TNRC18: variants seen among roughly 807,000 people sequenced by gnomAD.
The protein encoded by TNRC18 is trinucleotide repeat containing 18.
Under a neutral mutation model 226.7 loss-of-function variants are expected in TNRC18, and 69 were observed. The ratio of observed to expected loss-of-function variants is 0.30; its 90% CI spans 0.25 to 0.37. TNRC18 has a LOEUF of 0.37. Ranked by LOEUF, TNRC18 falls within the 10% of genes least tolerant of loss-of-function variation. The pLI is 1.00. For missense variants in TNRC18, 4,754 were observed against 4,256.6 expected (o/e 1.12, Z -3.25); for synonymous variants, 2,449 against 1,927.6 (o/e 1.27, Z -7.09).
At chr7:5,378,579 CCG>C (rs1432802569) in intron 5 of TNRC18, among the ~76,000 whole-genome samples, 1 of 151,828 alleles carries the variant, frequency 6.6e-6, no homozygotes, top group Non-Finnish European at 1.5e-5. Flanking sequence ...CCACCACGCC[CCG>C]CTAGTTTTTT....
At chr7:5,420,394 G>A (rs1257419668) in intron 2 of TNRC18, 2 of 456,022 alleles carry the variant, frequency 4.4e-6, no homozygotes, top group Non-Finnish European at 4.4e-6. Flanking sequence ...ACCCTCTTTC[G>A]CGCTGGAAAA....
intron 14 of TNRC18, 51 bp from the exon 15 acceptor site, chr7:5,359,620 A>G (rs1429798435): frequency 1.2e-6 from 2 of 1,607,558 alleles, no homozygotes; most frequent in Non-Finnish European, 1.7e-6. Flanking sequence ...CAAGGCTCGC[A>G]GGCTGAGGTC....
rs901230393 is a variant in TNRC18 at position 5,307,507 on chromosome 7, T to C, written c.*599A>G. ...GCCGGGCCCTCTCCACCTGGTGCCT[T>C]TGACAGACACTCCGGGCTGCAACCC... On this transcript the variant is annotated 3_prime_UTR_variant, in exon 30 of 30. Transcript: ENST00000430969. 2 of 447,638 alleles carry C rather than the reference T, an allele frequency of 4.5e-6. No individual in the cohort carries two copies. The highest frequency in any genetic ancestry group is 4.0e-5 in the African/African-American group (2 of 49,710). 27.7% of individuals were successfully genotyped at this position (447,638 alleles called of 1,614,324 possible). A position where few individuals can be genotyped will look rare whatever the true frequency, so the allele number is the denominator to read the frequency against.
intron 18 of TNRC18, among the ~76,000 whole-genome samples, chr7:5,339,686 C>T (rs967024565): frequency 1.3e-5 from 2 of 152,030 alleles, no homozygotes; most frequent in African/African-American, 2.4e-5. Context: ...TCTCCTGTCT[C>T]AGCCTCCAGA....
At chr7:5,345,918 G>C (rs941823500) in intron 17 of TNRC18, 108 bp from the exon 18 acceptor site, 15 of 1,420,456 alleles carry the variant, frequency 1.1e-5, no homozygotes, top group African/African-American at 1.4e-5. Context: ...TAGTCCCTCA[G>C]TCCTGAGCAG....
At chr7:5,386,038 G>A (rs12674355) in intron 5 of TNRC18, among the ~76,000 whole-genome samples, 61,918 of 146,332 alleles carry the variant, frequency 0.42, 16,701 homozygotes, top group African/African-American at 0.77. Flanking sequence ...TGTAATCCCA[G>A]CACTTTGGGA....
intron 2 of TNRC18, among the ~76,000 whole-genome samples, chr7:5,395,302 G>GC (rs1487327867): frequency 6.6e-6 from 1 of 152,180 alleles, no homozygotes; most frequent in Non-Finnish European, 1.5e-5. Flanking sequence ...CGCTAAGGGA[G>GC]CCCCGTGGAG....
chr7:5,343,999 C>A (rs2128137865), intron 18 of TNRC18, among the ~76,000 whole-genome samples: 1 of 152,152 alleles, frequency 6.6e-6, no homozygotes, highest in Non-Finnish European at 1.5e-5. Context: ...GCCAGACTGG[C>A]CAAGAAACAG....
At chr7:5,334,714 C>G (rs1015237792) in intron 18 of TNRC18, among the ~76,000 whole-genome samples, 8 of 152,078 alleles carry the variant, frequency 5.3e-5, no homozygotes, top group Non-Finnish European at 8.8e-5. Flanking sequence ...TGAGGTACCA[C>G]CCCGTAACAG....
chr7:5,349,742 G>A (rs997765736), intron 17 of TNRC18, among the ~76,000 whole-genome samples: 1 of 152,234 alleles, frequency 6.6e-6, no homozygotes, highest in Non-Finnish European at 1.5e-5. Flanking sequence ...GTCATGGGGA[G>A]GGGTCAAGGG....
Position 5,374,351 on chromosome 7 carries a change from A to G in TNRC18, c.2933T>C (p.Leu978Pro), listed in dbSNP as rs1247683551. The change falls in exon 10 of 30, where the codon CTG becomes CCG. Residue 978 changes from leucine to proline, a missense_variant. Coordinates refer to ENST00000430969, the MANE Select transcript of TNRC18 (RefSeq NM_001080495.3). ...PGLLPRKPPGLAAGPAGTYGK... is the reference protein window; with the variant it reads ...PGLLPRKPPGPAAGPAGTYGK... The stretch of plus-strand genomic sequence containing the variant: ...GTAGGTGCCCGCGGGGCCGGCGGCC[A>G]GGCCAGGGGGCTTCCGCGGCAGCAG... 1 of 1,421,082 alleles carries G rather than the reference A, an allele frequency of 7.0e-7. No individual in the cohort carries two copies. 88.0% of individuals were successfully genotyped at this position (1,421,082 alleles called of 1,614,324 possible). A position where few individuals can be genotyped will look rare whatever the true frequency, so the allele number is the denominator to read the frequency against.
chr7:5,377,272 G>T lies in TNRC18; in HGVS notation c.2461+99C>A. On this transcript the variant is annotated intron_variant, in intron 7 of 29. Coordinates refer to ENST00000430969, the MANE Select transcript of TNRC18 (RefSeq NM_001080495.3). This position sits in a 1 kb window ranked among gnomAD's most constrained non-coding sequence, Gnocchi z 5.8. ...CGGGAGGCAGGCCCAGGCCCCCCAG[G>T]AAACGGCAGGCAGGAGCCAGCCCTG... 1 of 1,301,798 alleles carries T rather than the reference G, an allele frequency of 7.7e-7. No individual in the cohort carries two copies. Among genetic ancestry groups the T allele is most frequent in the Non-Finnish European group, 1.0e-6 (1 of 965,538 alleles). The allele number at this position is 1,301,798 out of a possible 1,614,324, so 80.6% of individuals were successfully genotyped here.
chr7:5,383,957 AT>A (rs765430615), intron 5 of TNRC18, among the ~76,000 whole-genome samples: 186 of 78,782 alleles, frequency 2.4e-3, no homozygotes, highest in Middle Eastern at 0.017. Flanking sequence ...TACCCGGGTG[AT>A]TTTTTTTTTT....
At chr7:5,369,695 T>C (rs1339762762) in intron 11 of TNRC18, among the ~76,000 whole-genome samples, 1 of 152,140 alleles carries the variant, frequency 6.6e-6, no homozygotes, top group African/African-American at 2.4e-5. Context: ...TACCTGAAAT[T>C]ACCTAATTAC....
chr7:5,339,769 C>T (rs918246878), intron 18 of TNRC18, among the ~76,000 whole-genome samples: 9 of 151,818 alleles, frequency 5.9e-5, no homozygotes, highest in South Asian at 4.2e-4. Flanking sequence ...GGGGTTTCAT[C>T]GTGTTGGTCA....
rs138069674 is a variant in TNRC18, at chr7:5,380,515, C to T, written c.2153-2491G>A. Among the ~76,000 whole-genome samples, 903 of 152,328 alleles carry T rather than the reference C, an allele frequency of 5.9e-3. 5 individuals are homozygous for T. Among genetic ancestry groups the T allele is most frequent in the Non-Finnish European group, 0.01 (696 of 68,026 alleles). ...AACCCAGAGAGGGGCACAGCCATGC[C>T]GGCCCAGACGCCTGCAGGACCGAGT... On this transcript the variant is annotated intron_variant, in intron 5 of 29. Coordinates refer to ENST00000430969, the MANE Select transcript of TNRC18 (RefSeq NM_001080495.3).
At chr7:5,361,850 G>C (rs1371242473) in intron 13 of TNRC18, 47 bp downstream of exon 13, 1 of 1,512,424 alleles carries the variant, frequency 6.6e-7, no homozygotes, top group Non-Finnish European at 8.8e-7. Context: ...TGGGGGCCTG[G>C]TGGGCCGGGG....
At chr7:5,368,488 C>T (rs1280185355) in intron 11 of TNRC18, among the ~76,000 whole-genome samples, 2 of 151,674 alleles carry the variant, frequency 1.3e-5, no homozygotes, top group Non-Finnish European at 1.5e-5. Flanking sequence ...CATGGTGAAA[C>T]CCCATCTCCA....
chr7:5,352,577 C>T (rs900811732), intron 16 of TNRC18, among the ~76,000 whole-genome samples: 2 of 152,246 alleles, frequency 1.3e-5, no homozygotes, highest in Non-Finnish European at 2.9e-5. Context: ...AGTGGCAGCA[C>T]GAAACAGGCC....
Sources: gnomAD v4.1 joint callset for allele counts (sites outside exome capture counted in the v4.1 genomes callset) on GRCh38, gnomAD v4.1.1 for gene constraint, Gnocchi (gnomAD v3.1) non-coding constraint, MANE v1.5 for transcripts, NCBI Gene and HGNC (gene_info 2026-07-23, HGNC 2026-07-21) for gene names.